SULF2: variants seen among roughly 807,000 people sequenced by gnomAD.
The protein encoded by SULF2 is sulfatase 2, also known as extracellular sulfatase Sulf-2.
A neutral mutation model predicts 107.7 loss-of-function variants in SULF2; 52 were observed. The ratio of observed to expected loss-of-function variants is 0.48; its 90% CI spans 0.39 to 0.61. The LOEUF (loss-of-function observed/expected upper bound fraction) is 0.61, where lower values mean the gene tolerates loss of function less well. Ranked by LOEUF, SULF2 falls within the 20% of genes least tolerant of loss-of-function variation. SULF2 has a pLI of 0.00. For missense variants in SULF2, 993 were observed against 1,177.3 expected, an observed-to-expected ratio of 0.84 and a Z score of 2.29; for synonymous variants, 460 against 464.3, an observed-to-expected ratio of 0.99 and a Z score of 0.12.
Position 47,675,213 on chromosome 20 carries a change from C to T in SULF2, c.1380+1281G>A, listed in dbSNP as rs6122603. ...TCATTTCACTCCTTTTAGCCCAGAA[C>T]TAAAATCAGAACCACTTCTGGGATC... On this transcript the variant is annotated intron_variant, in intron 10 of 20. Transcript: ENST00000688720. 8.6e-3 allele frequency among the ~76,000 whole-genome samples: 1,302 copies of T among 152,254 alleles called. 26 individuals carry two copies. The highest frequency in any genetic ancestry group is 0.058 in the East Asian group (301 of 5,170).
Position 47,661,926 on chromosome 20 carries a change from A to G in SULF2, c.2371-30T>C, listed in dbSNP as rs764587807. On this transcript the variant is annotated intron_variant, in intron 17 of 20. Transcript: ENST00000688720. Reference sequence around the variant, plus strand: ...TTGCAAAAAAGGTAGTCTGTCAACAAGGTAAGTACAGGGACTCTCGCCCTG... The same window carrying G: ...TTGCAAAAAAGGTAGTCTGTCAACAGGGTAAGTACAGGGACTCTCGCCCTG... 26 of 1,522,740 alleles carry G rather than the reference A, an allele frequency of 1.7e-5. No individual in the cohort carries two copies. The South Asian group carries it at 1.9e-4, about 11-fold the overall frequency. 94.3% of individuals were successfully genotyped at this position (1,522,740 alleles called of 1,614,324 possible).
chr20:47,720,596 G>A lies in SULF2; in HGVS notation c.415+16107C>T, dbSNP rs1169201715. Among the ~76,000 whole-genome samples the A allele has an allele frequency of 7.1e-4, 105 of 148,848 alleles. 1 individual carries two copies. Among genetic ancestry groups the A allele is most frequent in the Non-Finnish European group, 8.9e-5 (6 of 67,390 alleles). On this transcript the variant is annotated intron_variant, in intron 3 of 20. Transcript: ENST00000688720. ...GAAGTTTGTAATCTGGGTATTTTTG[G>A]TTAAATTTCCAGATTTTAAAAAGCA...
intron 2 of SULF2, among the ~76,000 whole-genome samples, chr20:47,756,355 C>G (rs575878288): frequency 3.3e-5 from 5 of 152,298 alleles, no homozygotes; most frequent in African/African-American, 9.6e-5. Context: ...CAAATTCTTT[C>G]TGCACTGAGA....
intron 3 of SULF2, among the ~76,000 whole-genome samples, chr20:47,729,431 G>A (rs558889892): frequency 9.8e-5 from 15 of 152,336 alleles, no homozygotes; most frequent in South Asian, 4.1e-4. Flanking sequence ...GGTCATAAAC[G>A]CAGAAGCTGG....
intron 3 of SULF2, among the ~76,000 whole-genome samples, chr20:47,716,624 G>T (rs937007729): frequency 1.3e-5 from 2 of 152,138 alleles, no homozygotes; most frequent in Admixed American, 6.5e-5. Flanking sequence ...GAAGGCAGCA[G>T]GATTCTTAAA....
chr20:47,695,419 A>G (rs114539458), intron 4 of SULF2, among the ~76,000 whole-genome samples: 2,934 of 152,260 alleles, frequency 0.019, 98 homozygotes, highest in African/African-American at 0.066. Flanking sequence ...AACCTCATAC[A>G]TCTTGAACAG....
chr20:47,723,253 A>AG (rs1491158634), intron 3 of SULF2, among the ~76,000 whole-genome samples: 1 of 141,922 alleles, frequency 7.0e-6, no homozygotes, highest in African/African-American at 2.7e-5. Context: ...CAAAAAAAAG[A>AG]AAAAAAAAAA....
chr20:47,722,539 C>G (rs541025690), intron 3 of SULF2, among the ~76,000 whole-genome samples: 10 of 151,952 alleles, frequency 6.6e-5, no homozygotes, highest in East Asian at 1.9e-4. Flanking sequence ...TGGGATTACA[C>G]GTGTGAGCCA....
intron 3 of SULF2, among the ~76,000 whole-genome samples, chr20:47,733,484 A>C (rs904194472): frequency 2.0e-5 from 3 of 152,234 alleles, no homozygotes; most frequent in African/African-American, 7.2e-5. Context: ...GATGCAACCT[A>C]ACAGAGGGCC....
chr20:47,746,978 T>TTAAA (rs1317317602), intron 2 of SULF2, among the ~76,000 whole-genome samples: 659 of 50,188 alleles, frequency 0.013, 2 homozygotes, highest in East Asian at 0.024. Flanking sequence ...AGAACTTAAA[T>TTAAA]AAATAAAAAA....
At chr20:47,705,221 T>C (rs1014577846) in intron 3 of SULF2, among the ~76,000 whole-genome samples, 7 of 151,446 alleles carry the variant, frequency 4.6e-5, no homozygotes, top group Admixed American at 4.6e-4. Context: ...GAGGTGAAAA[T>C]AGGAAGGGAG....
chr20:47,752,957 T>C (rs143415869), intron 2 of SULF2, among the ~76,000 whole-genome samples: 51 of 151,444 alleles, frequency 3.4e-4, no homozygotes, highest in African/African-American at 1.2e-3. Context: ...AAAAATTAGC[T>C]GGGTGTGGTA....
At chr20:47,725,584 A>G (rs113865641) in intron 3 of SULF2, among the ~76,000 whole-genome samples, 6 of 152,228 alleles carry the variant, frequency 3.9e-5, no homozygotes, top group African/African-American at 1.2e-4. Context: ...CAGCTTAGAA[A>G]GAAGTTTGCA....
chr20:47,678,528 C>CGGGGACCATGCTTCTCTCCCAA lies in SULF2; in HGVS notation c.1193+147_1193+148insTTGGGAGAGAAGCATGGTCCCC. 1 of 996,104 alleles carries CGGGGACCATGCTTCTCTCCCAA rather than the reference C, an allele frequency of 1.0e-6. No homozygotes were observed. The highest frequency in any genetic ancestry group is 2.5e-5 in the East Asian group (1 of 40,392). The allele number at this position is 996,104 out of a possible 1,614,324, so 61.7% of individuals were successfully genotyped here. On this transcript the variant is annotated intron_variant, in intron 8 of 20. Coordinates refer to ENST00000688720, the MANE Select transcript of SULF2 (RefSeq NM_001387048.1). The surrounding 1 kb of genome is among the most constrained non-coding windows in gnomAD (Gnocchi z 4.5). ...GAGAGGGGACCATGCTTCTCTCCCA[C>CGGGGACCATGCTTCTCTCCCAA]AGCAGGTAAGTGGTTGGCATGGCGG...
chr20:47,719,786 G>A (rs959124585), intron 3 of SULF2, among the ~76,000 whole-genome samples: 4 of 152,132 alleles, frequency 2.6e-5, no homozygotes, highest in African/African-American at 4.8e-5. Flanking sequence ...TTCTGCCACC[G>A]TAGAGCCAAA....
chr20:47,780,215 C>A (rs2090803939), intron 1 of SULF2, among the ~76,000 whole-genome samples: 1 of 151,952 alleles, frequency 6.6e-6, no homozygotes. Context: ...TGAGGTTTCA[C>A]CGTGTTGGTC....
At chr20:47,783,679 C>G (rs1171787280) in intron 1 of SULF2, among the ~76,000 whole-genome samples, 1 of 152,214 alleles carries the variant, frequency 6.6e-6, no homozygotes, top group East Asian at 1.9e-4. Flanking sequence ...ACCCCAAACC[C>G]ACATTGACCC....
chr20:47,722,040 C>G (rs2089310691), intron 3 of SULF2, among the ~76,000 whole-genome samples: 1 of 152,166 alleles, frequency 6.6e-6, no homozygotes, highest in Non-Finnish European at 1.5e-5. Flanking sequence ...CTTGCCATCA[C>G]AAAGAGGGAA....
chr20:47,716,263 A>G (rs1480961824), intron 3 of SULF2, among the ~76,000 whole-genome samples: 1 of 152,210 alleles, frequency 6.6e-6, no homozygotes. Context: ...AAAAATGATA[A>G]ATAGAGGCTG....
Sources: allele counts gnomAD v4.1 joint callset (sites outside exome capture counted in the v4.1 genomes callset), GRCh38; gene constraint gnomAD v4.1.1; non-coding constraint Gnocchi (gnomAD v3.1); transcripts MANE v1.5; gene names NCBI Gene and HGNC (gene_info 2026-07-23, HGNC 2026-07-21).